Variants in ALMS1 observed in about 807,000 individuals in gnomAD.
The protein encoded by ALMS1 is ALMS1 centrosome and basal body associated protein, also known as centrosome-associated protein ALMS1.
Under a neutral mutation model 352.2 loss-of-function variants are expected in ALMS1, and 271 were observed. The observed-to-expected ratio is 0.77, with a 90% CI of 0.70 to 0.85. ALMS1 has a LOEUF of 0.85. ALMS1 is among the 40% of genes least tolerant of loss of function. The pLI, the probability that ALMS1 is intolerant of heterozygous loss-of-function variation, is 0.00. For missense variants in ALMS1, 5,445 were observed against 4,870.7 expected, an observed-to-expected ratio of 1.12 and a Z score of -3.51; for synonymous variants, 1,865 against 1,761.2, an observed-to-expected ratio of 1.06 and a Z score of -1.48.
At chr2:73,559,774 A>G (rs752607103) in intron 15 of ALMS1, among the ~76,000 whole-genome samples, 3 of 152,198 alleles carry the variant, frequency 2.0e-5, no homozygotes, top group Non-Finnish European at 4.4e-5. Context: ...AGACTACACA[A>G]TGGGGAAAGG....
intron 2 of ALMS1, among the ~76,000 whole-genome samples, chr2:73,418,165 T>G (rs548476424): frequency 9.0e-4 from 137 of 152,322 alleles, no homozygotes; most frequent in African/African-American, 2.9e-3. Flanking sequence ...TTGTTAGCAT[T>G]TTAGTAAAGT....
At chr2:73,500,692 T>C (rs1673201026) in intron 10 of ALMS1, among the ~76,000 whole-genome samples, 1 of 152,180 alleles carries the variant, frequency 6.6e-6, no homozygotes, top group South Asian at 2.1e-4. Flanking sequence ...TTTCTCTCTA[T>C]GCTAATATCC....
chr2:73,454,260 C>T (rs1672013423), intron 8 of ALMS1, 193 bp downstream of exon 8: 1 of 956,810 alleles, frequency 1.0e-6, no homozygotes, highest in Non-Finnish European at 1.2e-6. Flanking sequence ...TTCTAACAAT[C>T]CATAAAAAGC....
rs2103780749 is a variant in ALMS1 at position 73,450,468 on chromosome 2, C to T, written c.3941C>T (p.Ser1314Leu). 3 of 1,613,856 alleles carry T rather than the reference C, an allele frequency of 1.9e-6. No homozygotes were observed. Among genetic ancestry groups the T allele is most frequent in the Non-Finnish European group, 2.5e-6 (3 of 1,179,962 alleles). The stretch of plus-strand genomic sequence containing the variant: ...CTAACTGAAGAGGCTAAGAATGTTT[C>T]AGCGGTTCCTGGACCAGCTGACCAG... ...SHLTEEAKNV[S>L]AVPGPADQKT... is the part of the protein sequence containing the mutation. The change falls in exon 8 of 23, where the codon TCA becomes TTA. Residue 1314 changes from serine (S) to leucine (L), a missense_variant. Transcript: ENST00000613296.
intron 9 of ALMS1, among the ~76,000 whole-genome samples, chr2:73,478,798 T>G (rs1235514525): frequency 6.6e-6 from 1 of 152,076 alleles, no homozygotes; most frequent in African/African-American, 2.4e-5. Context: ...TTTTAAGCCC[T>G]GCATACGTTA....
chr2:73,579,701 C>A (rs1157261960), intron 16 of ALMS1, among the ~76,000 whole-genome samples: 4 of 152,122 alleles, frequency 2.6e-5, no homozygotes, highest in Non-Finnish European at 5.9e-5. Flanking sequence ...TCAAATATGT[C>A]ATTTCACTGC....
At chr2:73,419,356 C>T in intron 3 of ALMS1, 38 bp downstream of exon 3, 1 of 1,593,496 alleles carries the variant, frequency 6.3e-7, no homozygotes, top group East Asian at 2.2e-5. Context: ...TAATACCTCA[C>T]ATTTGTAAGT....
chr2:73,413,926 A>G (rs1671128638), intron 2 of ALMS1, among the ~76,000 whole-genome samples: 1 of 152,146 alleles, frequency 6.6e-6, no homozygotes, highest in Admixed American at 6.5e-5. Flanking sequence ...TTACACTCTT[A>G]ATAACTGTAC....
intron 3 of ALMS1, among the ~76,000 whole-genome samples, chr2:73,419,996 A>G (rs1216764521): frequency 3.9e-5 from 6 of 152,336 alleles, no homozygotes; most frequent in Middle Eastern, 3.4e-3. Context: ...ATTAGTGCCA[A>G]CGTTTTCTAT....
chr2:73,599,428 T>C lies in ALMS1; in HGVS notation c.11575T>C (p.Ser3859Pro). ...AGCAAACCATGTGATTTCTTCTGAC[T>C]CTATTTCCTCTTCTGCCAGTAGTTT... ...QVANHVISSD[S>P]ISSSASSFLS... The change falls in exon 17 of 23, where the codon TCT becomes CCT. Residue 3859 changes from serine (S) to proline (P), a missense_variant. Physicochemically the swap from Ser to Pro is moderately conservative, Grantham distance 74. Transcript: ENST00000613296. 2 of 1,613,436 alleles carry C rather than the reference T, an allele frequency of 1.2e-6. No individual in the cohort carries two copies. Among genetic ancestry groups the C allele is most frequent in the East Asian group, 2.2e-5 (1 of 44,856 alleles).
At position 73,385,999 on chromosome 2, in the gene ALMS1, A is replaced by G; in HGVS notation, c.131A>G (p.Glu44Gly). 4 of 1,556,456 alleles carry G rather than the reference A, an allele frequency of 2.6e-6. No homozygotes were observed. The highest frequency in any genetic ancestry group is 3.5e-6 in the Non-Finnish European group (4 of 1,150,822). Residue 44 changes from glutamate (E) to glycine (G), a missense_variant, in exon 1 of 23, where the codon GAG (glutamate) becomes GGG (glycine). Glu to Gly is a moderately conservative substitution (Grantham distance 98). Coordinates refer to ENST00000613296, the MANE Select transcript of ALMS1 (RefSeq NM_001378454.1). Reference protein sequence around the residue: ...AANVDDVVVVEEVEEEAGREL... With the variant: ...AANVDDVVVVGEVEEEAGREL... ...AACGTGGACGACGTAGTGGTCGTGG[A>G]GGAGGTGGAGGAAGAGGCGGGGCGG...
At chr2:73,434,525 T>C (rs1157845030) in intron 7 of ALMS1, among the ~76,000 whole-genome samples, 1 of 152,222 alleles carries the variant, frequency 6.6e-6, no homozygotes, top group African/African-American at 2.4e-5. Flanking sequence ...CTGTAGAATG[T>C]ACAGTTTGTA....
At chr2:73,547,977 G>A (rs1258744468) in intron 12 of ALMS1, among the ~76,000 whole-genome samples, 1 of 152,056 alleles carries the variant, frequency 6.6e-6, no homozygotes, top group Non-Finnish European at 1.5e-5. Context: ...AGGGAGAAGA[G>A]CGTGAAAAAA....
At position 73,449,162 on chromosome 2, in the gene ALMS1, C is replaced by A. The variant is rs1289148526; in HGVS notation, c.2635C>A (p.His879Asn). ...CTATCAGCAGACCTTACCCAATAGT[C>A]ATCTAACTGAAGAGGCTCTGAAAGT... ...AFYQQTLPNS[H>N]LTEEALKVSI... The change falls in exon 8 of 23, where the codon CAT becomes AAT. Residue 879 changes from histidine to asparagine, a missense_variant. Physicochemically the swap from His to Asn is moderately conservative, Grantham distance 68. Coordinates refer to ENST00000613296, the MANE Select transcript of ALMS1 (RefSeq NM_001378454.1). 1 of 1,613,988 alleles carries A rather than the reference C, an allele frequency of 6.2e-7. No homozygotes were observed. The highest frequency in any genetic ancestry group is 8.5e-7 in the Non-Finnish European group (1 of 1,180,014).
intron 12 of ALMS1, among the ~76,000 whole-genome samples, chr2:73,539,569 A>G (rs927207069): frequency 6.6e-6 from 1 of 152,176 alleles, no homozygotes; most frequent in Non-Finnish European, 1.5e-5. Flanking sequence ...AGATGATCAA[A>G]CTACTCCGAG....
At position 73,408,544 on chromosome 2, in the gene ALMS1, C is replaced by T. The variant is rs1401614296; in HGVS notation, c.325-78C>T. 7.4e-6 allele frequency: 11 copies of T among 1,487,830 alleles called. No individual in the cohort carries two copies. The Admixed American group carries it at 1.7e-4, about 23-fold the overall frequency. 92.2% of individuals were successfully genotyped at this position (1,487,830 alleles called of 1,614,324 possible). A position where few individuals can be genotyped will look rare whatever the true frequency, so the allele number is the denominator to read the frequency against. Reference sequence around the variant, plus strand: ...GGCTTTATAAACTGGGAAGTATGGTCTAAATATTAGTTTATTTTTGTTGTA... The same window carrying T: ...GGCTTTATAAACTGGGAAGTATGGTTTAAATATTAGTTTATTTTTGTTGTA... On this transcript the variant is annotated intron_variant, in intron 1 of 22. Transcript: ENST00000613296.
chr2:73,434,249 A>C (rs1164140802), intron 7 of ALMS1, among the ~76,000 whole-genome samples: 1 of 152,164 alleles, frequency 6.6e-6, no homozygotes, highest in Non-Finnish European at 1.5e-5. Context: ...ATATGTATAC[A>C]AATTGATAAA....
intron 11 of ALMS1, among the ~76,000 whole-genome samples, chr2:73,528,867 C>T (rs1468276230): frequency 6.6e-6 from 1 of 151,850 alleles, no homozygotes; most frequent in African/African-American, 2.4e-5. Context: ...TGTGTTTAAT[C>T]AATTTTGCTG....
intron 9 of ALMS1, among the ~76,000 whole-genome samples, chr2:73,472,582 G>A (rs1002908836): frequency 5.9e-5 from 9 of 152,056 alleles, no homozygotes; most frequent in Admixed American, 3.3e-4. Flanking sequence ...ATTAGTTTTC[G>A]TAGAACTCTG....
Sources: allele counts gnomAD v4.1 joint callset (sites outside exome capture counted in the v4.1 genomes callset), GRCh38; gene constraint gnomAD v4.1.1; transcripts MANE v1.5; gene names NCBI Gene and HGNC (gene_info 2026-07-23, HGNC 2026-07-21).